Variants in EPHA5 observed in about 807,000 individuals in gnomAD.
The protein encoded by EPHA5 is ephrin type-A receptor 5.
A neutral mutation model predicts 105.0 loss-of-function variants in EPHA5; 60 were observed. The ratio of observed to expected loss-of-function variants is 0.57; its 90% CI spans 0.46 to 0.71. EPHA5 has a LOEUF of 0.71. Among genes scored for constraint, EPHA5 ranks in the 30% least tolerant of loss-of-function variants. The pLI is 0.00. For synonymous variants in EPHA5, 513 were observed against 449.1 expected (o/e 1.14, Z -1.80); for missense variants, 1,218 against 1,274.7 (o/e 0.96, Z 0.68).
intron 2 of EPHA5, among the ~76,000 whole-genome samples, chr4:65,625,282 G>T (rs932104364): frequency 6.6e-6 from 1 of 152,016 alleles, no homozygotes; most frequent in African/African-American, 2.4e-5. Context: ...GTGCCTCATA[G>T]ATCTAGTTTT....
At chr4:65,579,979 T>C (rs1302351887) in intron 3 of EPHA5, among the ~76,000 whole-genome samples, 1 of 151,942 alleles carries the variant, frequency 6.6e-6, no homozygotes, top group Non-Finnish European at 1.5e-5. Flanking sequence ...TTTATTAATA[T>C]TTGAGAAAAT....
chr4:65,576,439 G>T (rs1741062189), intron 3 of EPHA5, among the ~76,000 whole-genome samples: 1 of 152,190 alleles, frequency 6.6e-6, no homozygotes, highest in South Asian at 2.1e-4. Context: ...CATTTAGGAA[G>T]CAGGTGGTAG....
chr4:65,427,913 T>A (rs1724603449), intron 5 of EPHA5, among the ~76,000 whole-genome samples: 1 of 152,200 alleles, frequency 6.6e-6, no homozygotes, highest in Non-Finnish European at 1.5e-5. Flanking sequence ...TATCTATGTG[T>A]ATGATCATGT....
intron 13 of EPHA5, among the ~76,000 whole-genome samples, chr4:65,349,334 A>G (rs1722598753): frequency 9.7e-6 from 1 of 102,718 alleles, no homozygotes; most frequent in Non-Finnish European, 2.2e-5. Context: ...TTATGGCATA[A>G]AAATTGATTT....
intron 5 of EPHA5, among the ~76,000 whole-genome samples, chr4:65,489,583 A>T (rs1731212687): frequency 6.6e-6 from 1 of 152,172 alleles, no homozygotes; most frequent in African/African-American, 2.4e-5. Context: ...AACATGCTAG[A>T]AATTACTCTT....
At chr4:65,347,756 T>C (rs1327842756) in intron 14 of EPHA5, among the ~76,000 whole-genome samples, 4 of 152,156 alleles carry the variant, frequency 2.6e-5, no homozygotes, top group Non-Finnish European at 5.9e-5. Context: ...TTGATGGCTC[T>C]TTCTTTATCT....
intron 3 of EPHA5, among the ~76,000 whole-genome samples, chr4:65,519,689 C>G (rs1002394393): frequency 6.6e-6 from 1 of 152,136 alleles, no homozygotes; most frequent in Non-Finnish European, 1.5e-5. Flanking sequence ...TCTCAGGATA[C>G]AAAATCAATG....
chr4:65,351,862 C>G (rs768892767), intron 12 of EPHA5, among the ~76,000 whole-genome samples: 31 of 151,998 alleles, frequency 2.0e-4, no homozygotes, highest in Non-Finnish European at 3.7e-4. Flanking sequence ...CATCATAACT[C>G]TTTTATTCTC....
chr4:65,368,513 C>T (rs1320876039), intron 8 of EPHA5, among the ~76,000 whole-genome samples: 1 of 152,100 alleles, frequency 6.6e-6, no homozygotes, highest in Non-Finnish European at 1.5e-5. Context: ...ATCCCAGGAA[C>T]TACGACCCAT....
intron 5 of EPHA5, among the ~76,000 whole-genome samples, chr4:65,474,026 G>T (rs570527194): frequency 3.3e-5 from 5 of 151,316 alleles, no homozygotes; most frequent in Admixed American, 2.6e-4. Context: ...GTTGTGGGGT[G>T]GGGGGAGAGG....
chr4:65,445,639 C>A (rs1191487493), intron 5 of EPHA5, among the ~76,000 whole-genome samples: 1 of 152,040 alleles, frequency 6.6e-6, no homozygotes, highest in East Asian at 1.9e-4. Context: ...AAATTTTAGC[C>A]CTTTTTTCCT....
chr4:65,521,975 T>A (rs1331238503), intron 3 of EPHA5, among the ~76,000 whole-genome samples: 1 of 152,028 alleles, frequency 6.6e-6, no homozygotes, highest in East Asian at 1.9e-4. Flanking sequence ...TTATGTAACT[T>A]AACTTTTCCC....
In EPHA5 at chr4:65,637,614, A is replaced by T. The variant is rs534752776; in HGVS notation, c.246+5749T>A. Among the ~76,000 whole-genome samples the T allele has an allele frequency of 3.7e-4, 53 of 144,914 alleles. No individual in the cohort carries two copies. In the East Asian group the frequency reaches 7.9e-3, roughly 22 times the overall value. On this transcript the variant is annotated intron_variant, in intron 2 of 16. Coordinates refer to ENST00000613740, the MANE Select transcript of EPHA5 (RefSeq NM_001281766.3). ...TATATATATACGTATATGCTAAAAC[A>T]AACAAAACCTTATGGAGTGGTGGTT...
intron 3 of EPHA5, among the ~76,000 whole-genome samples, chr4:65,505,894 C>A (rs1732964656): frequency 6.6e-6 from 1 of 152,088 alleles, no homozygotes; most frequent in South Asian, 2.1e-4. Flanking sequence ...TACATGTGCA[C>A]AACGTGCAGG....
chr4:65,622,843 T>C (rs550509037), intron 2 of EPHA5, among the ~76,000 whole-genome samples: 13 of 152,202 alleles, frequency 8.5e-5, no homozygotes, highest in African/African-American at 2.6e-4. Flanking sequence ...GCTTCCAAGA[T>C]AAAGTGTGTG....
chr4:65,625,608 T>C (rs1414392784), intron 2 of EPHA5, among the ~76,000 whole-genome samples: 2 of 152,168 alleles, frequency 1.3e-5, no homozygotes, highest in Non-Finnish European at 2.9e-5. Context: ...CTACTTGACC[T>C]AATTTGCAAA....
intron 15 of EPHA5, among the ~76,000 whole-genome samples, chr4:65,333,869 T>C (rs1280413637): frequency 3.3e-5 from 5 of 151,724 alleles, no homozygotes; most frequent in Non-Finnish European, 5.9e-5. Flanking sequence ...TCCACATCCG[T>C]GTGCTCTTGA....
chr4:65,574,709 C>A (rs7437924), intron 3 of EPHA5, among the ~76,000 whole-genome samples: 2 of 67,780 alleles, frequency 3.0e-5, no homozygotes, highest in Non-Finnish European at 6.0e-5. Flanking sequence ...CATATATATA[C>A]ATATATATAT....
intron 15 of EPHA5, among the ~76,000 whole-genome samples, chr4:65,332,605 G>A (rs1294390962): frequency 3.3e-5 from 5 of 149,714 alleles, no homozygotes; most frequent in Non-Finnish European, 7.4e-5. Context: ...GGTTGATGCT[G>A]GTAATGGGGT....
Sources: allele counts gnomAD v4.1 joint callset (sites outside exome capture counted in the v4.1 genomes callset), GRCh38; gene constraint gnomAD v4.1.1; transcripts MANE v1.5; gene names NCBI Gene and HGNC (gene_info 2026-07-23, HGNC 2026-07-21).